PPARG: variants seen among roughly 807,000 people sequenced by gnomAD.
PPARG encodes the protein peroxisome proliferator activated receptor gamma, also known as peroxisome proliferator-activated receptor gamma.
In PPARG, 17 loss-of-function variants were observed where a neutral mutation model predicts 39.2. That is an observed-to-expected ratio of 0.43 (90% CI 0.30 to 0.65). PPARG has a LOEUF of 0.65. PPARG is among the 30% of genes least tolerant of loss of function. PPARG has a pLI of 0.13. For missense variants in PPARG, 406 were observed against 585.9 expected (o/e 0.69, Z 3.17); for synonymous variants, 223 against 215.7 (o/e 1.03, Z -0.30).
intron 7 of PPARG, among the ~76,000 whole-genome samples, chr3:12,432,212 G>C (rs1358249024): frequency 6.6e-6 from 1 of 152,184 alleles, no homozygotes; most frequent in Non-Finnish European, 1.5e-5. Context: ...TGGTGTATAA[G>C]GCTAGTTAAC....
intron 2 of PPARG, among the ~76,000 whole-genome samples, chr3:12,371,336 C>G (rs1035829647): frequency 6.6e-6 from 1 of 152,258 alleles, no homozygotes; most frequent in Non-Finnish European, 1.5e-5. Flanking sequence ...AAACAGCAAA[C>G]GGCACAAAGC....
chr3:12,353,946 T>G (rs934111762), intron 2 of PPARG, among the ~76,000 whole-genome samples: 4 of 152,224 alleles, frequency 2.6e-5, no homozygotes, highest in Non-Finnish European at 5.9e-5. Context: ...TTTAAGTCGT[T>G]GCACCAGAGC....
At chr3:12,433,078 C>CCTTTGGAA (rs1301915788) in intron 7 of PPARG, among the ~76,000 whole-genome samples, 1 of 152,158 alleles carries the variant, frequency 6.6e-6, no homozygotes, top group Non-Finnish European at 1.5e-5. Context: ...TGTGTTTTGT[C>CCTTTGGAA]CTTTGGAAAT....
chr3:12,340,828 G>T (rs1180342847), intron 2 of PPARG, among the ~76,000 whole-genome samples: 1 of 152,136 alleles, frequency 6.6e-6, no homozygotes, highest in South Asian at 2.1e-4. Flanking sequence ...GGAAATCATC[G>T]GGTAAAACCA....
At chr3:12,339,322 G>A (rs562853044) in intron 2 of PPARG, among the ~76,000 whole-genome samples, 9 of 152,258 alleles carry the variant, frequency 5.9e-5, no homozygotes, top group African/African-American at 1.4e-4. Context: ...AGTAATTGGC[G>A]TTTGATTGTA....
rs79323874 is a variant in PPARG at position 12,308,479 on chromosome 3, T to C, written c.-82-3901T>C. On this transcript the variant is annotated intron_variant, in intron 1 of 7. Transcript: ENST00000651735. ...GAGACCGTGGTGTGCTGGAGCCACA[T>C]TGTTAAATTTTCACAATTTTATTGA... is the stretch of plus-strand genomic sequence containing the variant. Among the ~76,000 whole-genome samples, 53 of 152,128 alleles carry C rather than the reference T, an allele frequency of 3.5e-4. No homozygotes were observed. In the East Asian group the frequency reaches 0.01, roughly 29 times the overall value.
intron 7 of PPARG, among the ~76,000 whole-genome samples, chr3:12,418,787 A>T (rs1393989443): frequency 6.6e-6 from 1 of 152,224 alleles, no homozygotes; most frequent in Non-Finnish European, 1.5e-5. Flanking sequence ...CTCTACCATC[A>T]CATCATGCGG....
At chr3:12,408,029 G>T (rs796313) in intron 6 of PPARG, among the ~76,000 whole-genome samples, 67,620 of 151,964 alleles carry the variant, frequency 0.44, 16,085 homozygotes, top group Middle Eastern at 0.53. Flanking sequence ...ACAGCAAGTG[G>T]GTAGAAGACC....
intron 1 of PPARG, among the ~76,000 whole-genome samples, chr3:12,302,720 A>G (rs1288432191): frequency 6.6e-6 from 1 of 152,168 alleles, no homozygotes; most frequent in Admixed American, 6.5e-5. Flanking sequence ...GCCAGATGAT[A>G]AAAGGTCTGG....
chr3:12,317,528 A>G (rs1194443792), intron 2 of PPARG, among the ~76,000 whole-genome samples: 2 of 152,186 alleles, frequency 1.3e-5, no homozygotes, highest in African/African-American at 4.8e-5. Context: ...TCATAATGGC[A>G]ACATAATCTT....
chr3:12,338,152 G>C (rs1233655738), intron 2 of PPARG, among the ~76,000 whole-genome samples: 1 of 152,194 alleles, frequency 6.6e-6, no homozygotes, highest in Non-Finnish European at 1.5e-5. Flanking sequence ...AGGTAGGAAA[G>C]TATGACTTAG....
At chr3:12,307,314 G>A (rs1036198705) in intron 1 of PPARG, among the ~76,000 whole-genome samples, 3 of 151,982 alleles carry the variant, frequency 2.0e-5, no homozygotes, top group African/African-American at 7.3e-5. Context: ...AGTCAGCTAT[G>A]GTGGGGTTAG....
chr3:12,380,128 T>G (rs2049589119), intron 3 of PPARG, among the ~76,000 whole-genome samples, 197 bp downstream of exon 3: 1 of 152,128 alleles, frequency 6.6e-6, no homozygotes, highest in African/African-American at 2.4e-5. Context: ...GAGGTCAATC[T>G]TGCCTTCCCC....
At chr3:12,405,197 G>A (rs978820690) in intron 5 of PPARG, among the ~76,000 whole-genome samples, 22 of 152,156 alleles carry the variant, frequency 1.4e-4, no homozygotes, top group African/African-American at 3.9e-4. Context: ...TTTCCTTGTT[G>A]CTTTTCTTTC....
At chr3:12,369,747 G>C (rs1041444827) in intron 2 of PPARG, among the ~76,000 whole-genome samples, 3 of 152,088 alleles carry the variant, frequency 2.0e-5, no homozygotes, top group African/African-American at 7.2e-5. Flanking sequence ...CTATGATTCT[G>C]TTTCCTCTCC....
At chr3:12,369,089 GAAGAA>G (rs2125138679) in intron 2 of PPARG, among the ~76,000 whole-genome samples, 1 of 152,284 alleles carries the variant, frequency 6.6e-6, no homozygotes, top group Non-Finnish European at 1.5e-5. Flanking sequence ...AGCTTTCAGT[GAAGAA>G]GAGATACTCA....
chr3:12,331,068 C>G (rs2047844691), intron 2 of PPARG, among the ~76,000 whole-genome samples: 1 of 152,150 alleles, frequency 6.6e-6, no homozygotes, highest in Admixed American at 6.5e-5. Context: ...CAAGTTAAAA[C>G]CAACACTAAA....
chr3:12,369,189 G>C (rs2049123365), intron 2 of PPARG, among the ~76,000 whole-genome samples: 1 of 151,936 alleles, frequency 6.6e-6, no homozygotes, highest in African/African-American at 2.4e-5. Flanking sequence ...CCTATCTCTA[G>C]AATAACATAC....
intron 1 of PPARG, among the ~76,000 whole-genome samples, chr3:12,295,760 C>T (rs866245751): frequency 6.6e-6 from 1 of 152,028 alleles, no homozygotes; most frequent in Non-Finnish European, 1.5e-5. Context: ...GGAGATCCAC[C>T]TGCCTCGGCC....
Sources: allele counts gnomAD v4.1 joint callset (sites outside exome capture counted in the v4.1 genomes callset), GRCh38; gene constraint gnomAD v4.1.1; transcripts MANE v1.5; gene names NCBI Gene and HGNC (gene_info 2026-07-23, HGNC 2026-07-21).